The following SYT1 variants were observed in gnomAD, a reference collection of about 807,000 sequenced individuals.
SYT1 encodes synaptotagmin-1.
Under a neutral mutation model 44.8 loss-of-function variants are expected in SYT1, and 8 were observed. The ratio of observed to expected loss-of-function variants is 0.18; its 90% CI spans 0.10 to 0.32. The LOEUF is 0.32. Ranked by LOEUF, SYT1 falls within the 10% of genes least tolerant of loss-of-function variation. The pLI is 1.00. For missense variants in SYT1, 286 were observed against 509.3 expected (o/e 0.56, Z 4.22); for synonymous variants, 154 against 188.8 (o/e 0.82, Z 1.51).
chr12:79,063,807 C>T (rs73148250), intron 3 of SYT1, among the ~76,000 whole-genome samples: 17,093 of 152,152 alleles, frequency 0.11, 1,259 homozygotes, highest in Non-Finnish European at 0.17. Flanking sequence ...CTCTATCCCC[C>T]TTGGGAACAC....
At chr12:79,384,036 A>AGCC (rs1318717701) in intron 9 of SYT1, among the ~76,000 whole-genome samples, 16 of 152,182 alleles carry the variant, frequency 1.1e-4, no homozygotes, top group Non-Finnish European at 7.4e-5. Context: ...AGGAAACTTA[A>AGCC]TATTGAGAGT....
Position 78,952,049 on chromosome 12 carries a change from G to C in SYT1, c.-216-25750G>C, listed in dbSNP as rs1012676619. Among the ~76,000 whole-genome samples, 3 of 152,146 alleles carry C rather than the reference G, an allele frequency of 2.0e-5. No homozygotes were observed. The South Asian group carries it at 6.2e-4, about 32-fold the overall frequency. On this transcript the variant is annotated intron_variant, in intron 1 of 10. Transcript: ENST00000261205. ...AAAAATGAATTCTCCAGGCCATGAA[G>C]AGCAAAATGAAATTATGAGCATACA... is the stretch of plus-strand genomic sequence containing the variant.
intron 3 of SYT1, among the ~76,000 whole-genome samples, chr12:79,129,229 C>T (rs1209433889): frequency 6.6e-6 from 1 of 152,090 alleles, no homozygotes; most frequent in Non-Finnish European, 1.5e-5. Flanking sequence ...TTTATTTTAG[C>T]AATGTATAAA....
intron 9 of SYT1, among the ~76,000 whole-genome samples, chr12:79,407,616 T>A (rs928008639): frequency 2.6e-5 from 4 of 152,098 alleles, no homozygotes; most frequent in Non-Finnish European, 5.9e-5. Context: ...TCTTTGTGAA[T>A]CACCTCCATC....
chr12:79,376,907 C>T (rs1238464447), intron 9 of SYT1, among the ~76,000 whole-genome samples: 1 of 152,108 alleles, frequency 6.6e-6, no homozygotes, highest in African/African-American at 2.4e-5. Context: ...AAATATATGA[C>T]TTATCTATTC....
At chr12:79,003,712 G>A (rs751042356) in intron 2 of SYT1, among the ~76,000 whole-genome samples, 2 of 151,918 alleles carry the variant, frequency 1.3e-5, no homozygotes, top group Non-Finnish European at 2.9e-5. Context: ...ACACGTTGAT[G>A]ATGTAGTCTG....
At chr12:79,240,784 T>C (rs1484425160) in intron 4 of SYT1, among the ~76,000 whole-genome samples, 1 of 152,240 alleles carries the variant, frequency 6.6e-6, no homozygotes, top group Non-Finnish European at 1.5e-5. Flanking sequence ...GCTTGACACA[T>C]TCATTTTTTA....
intron 8 of SYT1, among the ~76,000 whole-genome samples, chr12:79,332,496 C>T (rs187828260): frequency 6.6e-6 from 1 of 152,290 alleles, no homozygotes; most frequent in African/African-American, 2.4e-5. Flanking sequence ...ACATGCAATG[C>T]ATTTAAGGCC....
intron 3 of SYT1, among the ~76,000 whole-genome samples, chr12:79,048,690 T>G (rs1316888773): frequency 6.6e-6 from 1 of 151,950 alleles, no homozygotes; most frequent in Admixed American, 6.6e-5. Context: ...AAAGTCTATT[T>G]TGAGTATTCA....
chr12:78,987,181 T>A (rs1311745573), intron 2 of SYT1, among the ~76,000 whole-genome samples: 1 of 152,072 alleles, frequency 6.6e-6, no homozygotes, highest in Non-Finnish European at 1.5e-5. Context: ...AGGCATTATA[T>A]CATTATGATC....
intron 1 of SYT1, among the ~76,000 whole-genome samples, chr12:78,877,305 T>C (rs1874226320): frequency 6.6e-6 from 1 of 151,438 alleles, no homozygotes; most frequent in Non-Finnish European, 1.5e-5. Context: ...CCACAGGATC[T>C]CGTGAGACTT....
intron 1 of SYT1, among the ~76,000 whole-genome samples, chr12:78,967,109 T>C (rs1314565885): frequency 5.3e-5 from 8 of 152,148 alleles, no homozygotes; most frequent in Admixed American, 5.2e-4. Context: ...CCCACACATC[T>C]TATGCTCAAT....
At chr12:79,004,192 A>C (rs1185544118) in intron 2 of SYT1, among the ~76,000 whole-genome samples, 1 of 151,996 alleles carries the variant, frequency 6.6e-6, no homozygotes, top group Non-Finnish European at 1.5e-5. Context: ...CCAGTTGTCT[A>C]AAATTCTTAA....
chr12:79,225,603 A>G (rs1875470682), intron 4 of SYT1, among the ~76,000 whole-genome samples: 1 of 152,222 alleles, frequency 6.6e-6, no homozygotes, highest in South Asian at 2.1e-4. Context: ...ATTTTATCAA[A>G]ATGTTTACAT....
At position 78,979,311 on chromosome 12, in the gene SYT1, A is replaced by G. The variant is rs1159811338; in HGVS notation, c.-84+1380A>G. Among the ~76,000 whole-genome samples the G allele has an allele frequency of 2.6e-5, 4 of 152,144 alleles. No homozygotes were observed. The East Asian group carries it at 5.8e-4, about 22-fold the overall frequency. ...GTTCTCTTCTACATTAATGTCTTTT[A>G]GGAACATTTTCATCTTCTTTCCTAC... On this transcript the variant is annotated intron_variant, in intron 2 of 10. Transcript: ENST00000261205.
At chr12:78,994,668 T>C (rs915783002) in intron 2 of SYT1, among the ~76,000 whole-genome samples, 2 of 151,588 alleles carry the variant, frequency 1.3e-5, no homozygotes, top group Non-Finnish European at 2.9e-5. Flanking sequence ...CCTGAGGAGC[T>C]GGGATTACAG....
At chr12:79,166,498 T>C (rs913693221) in intron 3 of SYT1, among the ~76,000 whole-genome samples, 4 of 151,962 alleles carry the variant, frequency 2.6e-5, no homozygotes, top group Non-Finnish European at 5.9e-5. Context: ...AAGAAGAATA[T>C]TTTAGGGAGA....
At chr12:78,889,285 G>A (rs1171570669) in intron 1 of SYT1, among the ~76,000 whole-genome samples, 1 of 151,770 alleles carries the variant, frequency 6.6e-6, no homozygotes, top group Non-Finnish European at 1.5e-5. Context: ...TTTTTCTGGG[G>A]AATGAGCTTA....
chr12:79,237,379 G>A (rs1010605894), intron 4 of SYT1, among the ~76,000 whole-genome samples: 1 of 151,958 alleles, frequency 6.6e-6, no homozygotes, highest in African/African-American at 2.4e-5. Flanking sequence ...TACACAGAGG[G>A]GGAAAAAAGA....
Sources: allele counts gnomAD v4.1 joint callset (sites outside exome capture counted in the v4.1 genomes callset), GRCh38; gene constraint gnomAD v4.1.1; transcripts MANE v1.5; gene names NCBI Gene and HGNC (gene_info 2026-07-23, HGNC 2026-07-21).